The following MKRN2 variants were observed in gnomAD, a reference collection of about 807,000 sequenced individuals.
MKRN2 encodes the protein makorin ring finger protein 2, also known as E3 ubiquitin-protein ligase makorin-2.
MKRN2 carries 32 observed loss-of-function variants against 45.4 expected under a neutral mutation model. The observed-to-expected ratio is 0.70, with a 90% confidence interval of 0.53 to 0.95. The LOEUF (loss-of-function observed/expected upper bound fraction) is 0.95, where lower values mean the gene tolerates loss of function less well. Ranked by LOEUF, MKRN2 falls within the 40% of genes least tolerant of loss-of-function variation. The pLI is 0.00. For synonymous variants in MKRN2, 206 were observed against 192.4 expected (o/e 1.07, Z -0.59); for missense variants, 526 against 536.7 (o/e 0.98, Z 0.20).
Position 12,582,252 on chromosome 3 carries a change from A to G in MKRN2, c.1250A>G (p.Ter417=), listed in dbSNP as rs763002762. 2.5e-6 allele frequency: 4 copies of G among 1,613,864 alleles called. No homozygotes were observed. The highest frequency in any genetic ancestry group is 1.1e-5 in the South Asian group (1 of 91,062). The change falls in exon 8 of 8, where the codon TAA becomes TGA. Residue 417 remains the stop codon, a stop_retained_variant. Coordinates refer to ENST00000170447, the MANE Select transcript of MKRN2 (RefSeq NM_014160.5). ...TCTGGAGTGGAATCATCAGAACCCT[A>G]AAGAGTAGATGGTTGCCCTGCATCT... ...HLSGVESSEP[*]
chr3:12,571,546 C>T (rs950483313), intron 3 of MKRN2, among the ~76,000 whole-genome samples: 2 of 152,134 alleles, frequency 1.3e-5, no homozygotes, highest in Admixed American at 1.3e-4. Context: ...TAAACAAGCT[C>T]GGAGGTGTGC....
chr3:12,558,164 G>C (rs1371485244), intron 1 of MKRN2, among the ~76,000 whole-genome samples: 1 of 152,168 alleles, frequency 6.6e-6, no homozygotes, highest in South Asian at 2.1e-4. Flanking sequence ...CTCTTCATTG[G>C]TATGAATAGT....
At chr3:12,560,329 T>G (rs1217539910) in intron 1 of MKRN2, among the ~76,000 whole-genome samples, 1 of 152,178 alleles carries the variant, frequency 6.6e-6, no homozygotes. Context: ...ACCACCACAC[T>G]GTACTTCATT....
intron 6 of MKRN2, 55 bp from the exon 7 acceptor site, chr3:12,581,753 G>C: frequency 1.3e-6 from 2 of 1,599,408 alleles, no homozygotes; most frequent in Non-Finnish European, 1.7e-6. Context: ...CAGTGGCCCA[G>C]TTTGGACCCC....
intron 6 of MKRN2, 192 bp downstream of exon 6, chr3:12,576,933 GTTT>G (rs71063832): frequency 3.5e-3 from 193 of 55,928 alleles, no homozygotes; most frequent in South Asian, 0.015. Context: ...TAGTTTTGGT[GTTT>G]TTTTTTTTTT....
chr3:12,563,269 AT>A (rs1261238787), intron 1 of MKRN2, among the ~76,000 whole-genome samples: 1 of 152,192 alleles, frequency 6.6e-6, no homozygotes, highest in Non-Finnish European at 1.5e-5. Flanking sequence ...ATATCCTTTT[AT>A]AATTTCCCTG....
rs1559394214 is a variant in MKRN2 at position 12,582,654 on chromosome 3, C to T, written c.*401C>T. The T allele has an allele frequency of 3.8e-5, 7 of 184,552 alleles. No individual in the cohort carries two copies. In the South Asian group the frequency reaches 8.5e-4, roughly 22 times the overall value. The allele number at this position is 184,552 out of a possible 1,614,324, so 11.4% of individuals were successfully genotyped here. A position where few individuals can be genotyped will look rare whatever the true frequency, so the allele number is the denominator to read the frequency against. On this transcript the variant is annotated 3_prime_UTR_variant, in exon 8 of 8. Coordinates refer to ENST00000170447, the MANE Select transcript of MKRN2 (RefSeq NM_014160.5). ...TTTTTCTTACCAAAGGAGTCTTCAG[C>T]CCTATAAAAGGATTCCTCTATAGTG...
intron 1 of MKRN2, among the ~76,000 whole-genome samples, chr3:12,558,440 T>A (rs1388812098): frequency 6.6e-6 from 1 of 152,176 alleles, no homozygotes; most frequent in Non-Finnish European, 1.5e-5. Flanking sequence ...GCTTGTAGCC[T>A]CCTAGAAAAA....
chr3:12,559,845 TCTC>T (rs2058021862), intron 1 of MKRN2, among the ~76,000 whole-genome samples: 1 of 152,154 alleles, frequency 6.6e-6, no homozygotes, highest in South Asian at 2.1e-4. Context: ...TATTTCACCT[TCTC>T]CTCTTGTGAT....
chr3:12,575,894 A>G (rs1325987544), intron 5 of MKRN2, among the ~76,000 whole-genome samples: 1 of 152,200 alleles, frequency 6.6e-6, no homozygotes, highest in Non-Finnish European at 1.5e-5. Flanking sequence ...GTATGGACGC[A>G]GCACATTTCC....
At chr3:12,581,973 T>C in intron 7 of MKRN2, 21 bp downstream of exon 7, 1 of 1,612,250 alleles carries the variant, frequency 6.2e-7, no homozygotes. Context: ...TAGCCATCTC[T>C]AGTTGGGGAC....
chr3:12,569,635 G>A (rs1176888166), intron 2 of MKRN2, among the ~76,000 whole-genome samples: 3 of 152,128 alleles, frequency 2.0e-5, no homozygotes, highest in Non-Finnish European at 4.4e-5. Flanking sequence ...GGAGATGATG[G>A]AAGTAGGCCC....
chr3:12,559,824 A>G (rs932703069), intron 1 of MKRN2, among the ~76,000 whole-genome samples: 3 of 152,188 alleles, frequency 2.0e-5, no homozygotes, highest in Non-Finnish European at 4.4e-5. Context: ...ATTATAGCTT[A>G]GTAACCAGTT....
chr3:12,576,222 TGTGTGTGTA>T (rs1164428448), intron 5 of MKRN2, among the ~76,000 whole-genome samples: 1 of 151,800 alleles, frequency 6.6e-6, no homozygotes, highest in African/African-American at 2.4e-5. Context: ...TGTGTGTGTG[TGTGTGTGTA>T]TTTTTTTTGC....
rs2058184278 is a variant in MKRN2 at position 12,582,051 on chromosome 3, C to T, written c.1114-65C>T. The T allele has an allele frequency of 2.5e-6, 4 of 1,609,880 alleles. No individual in the cohort carries two copies. The South Asian group carries it at 4.4e-5, about 18-fold the overall frequency. On this transcript the variant is annotated intron_variant, in intron 7 of 7. Transcript: ENST00000170447. Reference sequence around the variant, plus strand: ...GAAATGGGGTAGGCAAAAGAACGATCAAGGAACGCAGCCTTCCTGTTGCTC... The same window carrying T: ...GAAATGGGGTAGGCAAAAGAACGATTAAGGAACGCAGCCTTCCTGTTGCTC...
At chr3:12,574,420 T>C (rs2125305590) in intron 4 of MKRN2, among the ~76,000 whole-genome samples, 1 of 152,346 alleles carries the variant, frequency 6.6e-6, no homozygotes, top group Middle Eastern at 3.4e-3. Flanking sequence ...ATCTCTGATG[T>C]AGACATGGCT....
rs2058138593 is a variant in MKRN2 at position 12,576,617 on chromosome 3, A to G, written c.858-14A>G. ...AACATGACTTCTCCCTTAGTAATCTAATTCTTATTTCAGGTCTTGTCCAGA... is the reference window on the plus strand; with the variant it reads ...AACATGACTTCTCCCTTAGTAATCTGATTCTTATTTCAGGTCTTGTCCAGA... On this transcript the variant is annotated splice_polypyrimidine_tract_variant and intron_variant, in intron 5 of 7. Coordinates refer to ENST00000170447, the MANE Select transcript of MKRN2 (RefSeq NM_014160.5). 1.9e-6 allele frequency: 3 copies of G among 1,559,412 alleles called. No homozygotes were observed. In the African/African-American group the frequency reaches 4.1e-5, roughly 21 times the overall value.
chr3:12,573,631 C>T (rs1477846438), intron 4 of MKRN2, among the ~76,000 whole-genome samples: 1 of 152,118 alleles, frequency 6.6e-6, no homozygotes, highest in African/African-American at 2.4e-5. Flanking sequence ...CAGTGGCTCA[C>T]GCCTGTAATC....
rs2058198231 is a variant in MKRN2, at chr3:12,583,112, G to GATC, written c.*860_*862dup. On this transcript the variant is annotated 3_prime_UTR_variant, in exon 8 of 8. Transcript: ENST00000170447. ...TTACATGTGTGGTTCGTACTCAAGTGATCTATTATCTAGCTGCAAAGCCTG... is the reference window on the plus strand; with the variant it reads ...TTACATGTGTGGTTCGTACTCAAGTGATCATCTATTATCTAGCTGCAAAGCCTG... The GATC allele has an allele frequency of 6.6e-6, 1 of 152,178 alleles. No homozygotes were observed. Among genetic ancestry groups the GATC allele is most frequent in the African/African-American group, 2.4e-5 (1 of 41,438 alleles). The allele number at this position is 152,178 out of a possible 1,614,324, so 9.4% of individuals were successfully genotyped here.
Sources: allele counts gnomAD v4.1 joint callset (sites outside exome capture counted in the v4.1 genomes callset), GRCh38; gene constraint gnomAD v4.1.1; transcripts MANE v1.5; gene names NCBI Gene and HGNC (gene_info 2026-07-23, HGNC 2026-07-21).